The following LRRC28 variants were observed in gnomAD, a reference collection of about 807,000 sequenced individuals.
LRRC28 encodes leucine rich repeat containing 28, also known as leucine-rich repeat-containing protein 28.
In LRRC28, 39 loss-of-function variants were observed where a neutral mutation model predicts 45.7. The ratio of observed to expected loss-of-function variants is 0.85; its 90% CI spans 0.66 to 1.12. The LOEUF (loss-of-function observed/expected upper bound fraction) is 1.12. Among genes scored for constraint, LRRC28 ranks in the 50% most tolerant of loss-of-function variants. The pLI is 0.00. For missense variants in LRRC28, 435 were observed against 438.5 expected, an observed-to-expected ratio of 0.99 and a Z score of 0.07; for synonymous variants, 206 against 178.8, an observed-to-expected ratio of 1.15 and a Z score of -1.22.
intron 5 of LRRC28, among the ~76,000 whole-genome samples, chr15:99,331,037 CTTAAGTCT>C (rs1332642671): frequency 1.3e-5 from 2 of 152,008 alleles, no homozygotes; most frequent in Non-Finnish European, 2.9e-5. Flanking sequence ...TATCAAGCTT[CTTAAGTCT>C]TTAATATTTC....
intron 9 of LRRC28, among the ~76,000 whole-genome samples, chr15:99,367,970 G>A (rs1017760225): frequency 2.6e-5 from 4 of 152,072 alleles, no homozygotes; most frequent in Non-Finnish European, 4.4e-5. Flanking sequence ...AAGCTACCCA[G>A]GGATTCCCAA....
At chr15:99,364,564 T>A (rs1339175354) in intron 9 of LRRC28, among the ~76,000 whole-genome samples, 1 of 152,230 alleles carries the variant, frequency 6.6e-6, no homozygotes, top group African/African-American at 2.4e-5. Context: ...GGGTTCTGAC[T>A]GTATTACTAC....
chr15:99,381,837 A>AGAACAGCAAATATTGCT (rs1208088615), intron 9 of LRRC28, among the ~76,000 whole-genome samples: 4 of 152,272 alleles, frequency 2.6e-5, no homozygotes, highest in South Asian at 4.1e-4. Flanking sequence ...CAGAGGCTGC[A>AGAACAGCAAATATTGCT]GAACAGCAAA....
At chr15:99,359,678 T>G (rs1188943933) in intron 7 of LRRC28, among the ~76,000 whole-genome samples, 1 of 152,204 alleles carries the variant, frequency 6.6e-6, no homozygotes, top group African/African-American at 2.4e-5. Flanking sequence ...TAAGATTTAT[T>G]GTGATGTTGT....
chr15:99,256,245 T>G, intron 2 of LRRC28, 120 bp downstream of exon 2: 1 of 667,510 alleles, frequency 1.5e-6, no homozygotes, highest in Non-Finnish European at 2.3e-6. Context: ...ATATATACAG[T>G]TAATATAAAT....
chr15:99,322,836 G>C (rs894981158), intron 5 of LRRC28, among the ~76,000 whole-genome samples: 1 of 152,120 alleles, frequency 6.6e-6, no homozygotes, highest in African/African-American at 2.4e-5. Flanking sequence ...TCATGTCCTG[G>C]GGCAAAGCAA....
chr15:99,259,668 T>G, intron 2 of LRRC28: 1 of 1,399,318 alleles, frequency 7.1e-7, no homozygotes, highest in Non-Finnish European at 1.0e-6. Context: ...AAGAAAACAT[T>G]TGAAATTAAT....
At chr15:99,258,343 A>G in intron 2 of LRRC28, 2 of 1,397,578 alleles carry the variant, frequency 1.4e-6, no homozygotes, top group Non-Finnish European at 1.0e-6. Context: ...GAAACACTCT[A>G]GGACGGGGAA....
intron 5 of LRRC28, among the ~76,000 whole-genome samples, chr15:99,289,407 G>A (rs972194734): frequency 5.3e-5 from 8 of 152,106 alleles, no homozygotes; most frequent in African/African-American, 1.9e-4. Flanking sequence ...CAGCCTTTTA[G>A]TGTATCTAAG....
intron 2 of LRRC28, among the ~76,000 whole-genome samples, chr15:99,261,235 T>C (rs539658554): frequency 6.6e-6 from 1 of 152,330 alleles, no homozygotes; most frequent in East Asian, 1.9e-4. Flanking sequence ...ACAAAACCGG[T>C]ATATGCCCTT....
intron 9 of LRRC28, among the ~76,000 whole-genome samples, chr15:99,375,056 T>C (rs2152336348): frequency 6.6e-6 from 1 of 152,294 alleles, no homozygotes; most frequent in African/African-American, 2.4e-5. Flanking sequence ...ATGTGTTAAG[T>C]GTAATATAAT....
At chr15:99,294,633 T>C (rs980624738) in intron 5 of LRRC28, among the ~76,000 whole-genome samples, 1 of 152,194 alleles carries the variant, frequency 6.6e-6, no homozygotes, top group African/African-American at 2.4e-5. Flanking sequence ...TGTTCTCATG[T>C]GGTAGAATGG....
chr15:99,258,785 A>G (rs1289986176), intron 2 of LRRC28: 1 of 695,776 alleles, frequency 1.4e-6, no homozygotes, highest in Non-Finnish European at 2.7e-6. Flanking sequence ...ATTTGTACCC[A>G]CATTTGTTCC....
At chr15:99,316,181 A>G (rs1282999915) in intron 5 of LRRC28, among the ~76,000 whole-genome samples, 2 of 152,200 alleles carry the variant, frequency 1.3e-5, no homozygotes, top group African/African-American at 4.8e-5. Context: ...TTCTGAATGT[A>G]AGGTTATATA....
intron 5 of LRRC28, 129 bp from the exon 6 acceptor site, chr15:99,333,794 C>T: frequency 4.2e-6 from 4 of 952,422 alleles, no homozygotes; most frequent in Non-Finnish European, 6.4e-6. Flanking sequence ...TCCTGCACTT[C>T]AGCATTCATG....
intron 5 of LRRC28, among the ~76,000 whole-genome samples, chr15:99,328,238 C>A (rs1174745213): frequency 6.6e-6 from 1 of 152,098 alleles, no homozygotes; most frequent in Admixed American, 6.6e-5. Context: ...TGATCATAAT[C>A]CTGAAAGATA....
At chr15:99,349,998 C>T (rs1300497832) in intron 6 of LRRC28, among the ~76,000 whole-genome samples, 1 of 151,138 alleles carries the variant, frequency 6.6e-6, no homozygotes, top group Non-Finnish European at 1.5e-5. Flanking sequence ...TAGCCGGGCG[C>T]GGTGGCGGGC....
chr15:99,347,586 A>G (rs1182267748), intron 6 of LRRC28, among the ~76,000 whole-genome samples: 2 of 152,228 alleles, frequency 1.3e-5, no homozygotes, highest in African/African-American at 4.8e-5. Context: ...TGTCTTCCAG[A>G]TTCATCCAGG....
At chr15:99,320,149 C>G (rs1315745622) in intron 5 of LRRC28, among the ~76,000 whole-genome samples, 1 of 152,110 alleles carries the variant, frequency 6.6e-6, no homozygotes, top group Non-Finnish European at 1.5e-5. Context: ...ATTTAATTAT[C>G]TTTTATAAAT....
Sources: gnomAD v4.1 joint callset for allele counts (sites outside exome capture counted in the v4.1 genomes callset) on GRCh38, gnomAD v4.1.1 for gene constraint, MANE v1.5 for transcripts, NCBI Gene and HGNC (gene_info 2026-07-23, HGNC 2026-07-21) for gene names.